Variants in NT5DC3 observed in about 807,000 individuals in gnomAD.
The protein encoded by NT5DC3 is 5'-nucleotidase domain containing 3.
Under a neutral mutation model 67.8 loss-of-function variants are expected in NT5DC3, and 42 were observed. The observed-to-expected ratio is 0.62, with a 90% CI of 0.48 to 0.80. The LOEUF (loss-of-function observed/expected upper bound fraction) is 0.80. Among genes scored for constraint, NT5DC3 ranks in the 30% least tolerant of loss-of-function variants. NT5DC3 has a pLI of 0.00. For missense variants in NT5DC3, 570 were observed against 696.4 expected, an observed-to-expected ratio of 0.82 and a Z score of 2.04; for synonymous variants, 237 against 255.6, an observed-to-expected ratio of 0.93 and a Z score of 0.69.
At chr12:103,815,431 TG>T (rs1566120817) in intron 1 of NT5DC3, among the ~76,000 whole-genome samples, 1 of 152,158 alleles carries the variant, frequency 6.6e-6, no homozygotes. Flanking sequence ...GTGATGGTTT[TG>T]GGGGATTGAG....
At chr12:103,783,344 C>T (rs1024173365) in intron 12 of NT5DC3, among the ~76,000 whole-genome samples, 1 of 152,190 alleles carries the variant, frequency 6.6e-6, no homozygotes, top group Non-Finnish European at 1.5e-5. Context: ...GGTTAAGGGT[C>T]TAGAGTCGGT....
At chr12:103,795,909 AT>A (rs1437275920) in intron 6 of NT5DC3, among the ~76,000 whole-genome samples, 2 of 152,176 alleles carry the variant, frequency 1.3e-5, no homozygotes, top group African/African-American at 4.8e-5. Context: ...AGCAAAATCA[AT>A]TTTTTTCCTT....
rs1215328080 is a variant in NT5DC3, at chr12:103,772,510, G to A, written c.*5319C>T. 1.3e-5 allele frequency: 2 copies of A among 152,284 alleles called. No individual in the cohort carries two copies. The highest frequency in any genetic ancestry group is 2.9e-5 in the Non-Finnish European group (2 of 68,064). The allele number at this position is 152,284 out of a possible 1,614,324, so 9.4% of individuals were successfully genotyped here. A position where few individuals can be genotyped will look rare whatever the true frequency, so the allele number is the denominator to read the frequency against. On this transcript the variant is annotated 3_prime_UTR_variant, in exon 14 of 14. Transcript: ENST00000392876. ...CCAAAGTCAGAGTTCAAACCTGCAGGACTGAAAACACACAGAAGCACTGTC... is the reference window on the plus strand; with the variant it reads ...CCAAAGTCAGAGTTCAAACCTGCAGAACTGAAAACACACAGAAGCACTGTC...
chr12:103,766,235 A>G (rs1180625727), downstream of NT5DC3: 1 of 1,611,680 alleles, frequency 6.2e-7, no homozygotes, highest in Non-Finnish European at 8.5e-7. Context: ...AGATTCAACT[A>G]GGACTCAACA....
At chr12:103,816,081 C>T (rs1887238615) in intron 1 of NT5DC3, among the ~76,000 whole-genome samples, 1 of 152,106 alleles carries the variant, frequency 6.6e-6, no homozygotes, top group Non-Finnish European at 1.5e-5. Flanking sequence ...CAATCATGAT[C>T]CTACACTTTT....
chr12:103,754,415 T>G, the NT5DC3 span, among the ~76,000 whole-genome samples: 1 of 152,142 alleles, frequency 6.6e-6, no homozygotes, highest in African/African-American at 2.4e-5. Context: ...TACTTCTCTT[T>G]GCCTCAATTT....
chr12:103,766,090 A>G, downstream of NT5DC3: 2 of 717,334 alleles, frequency 2.8e-6, no homozygotes, highest in South Asian at 1.5e-5. Context: ...CAAGCAGGAG[A>G]GACTAAAACA....
chr12:103,767,759 G>A (rs1885046399), downstream of NT5DC3, among the ~76,000 whole-genome samples: 1 of 151,772 alleles, frequency 6.6e-6, no homozygotes, highest in Non-Finnish European at 1.5e-5. Context: ...CCTTGGCCTG[G>A]GTATTAGCCA....
chr12:103,756,993 G>GGGA, the NT5DC3 span, among the ~76,000 whole-genome samples: 2 of 15,270 alleles, frequency 1.3e-4, no homozygotes, highest in African/African-American at 7.9e-4. Context: ...CAGAAGGAGG[G>GGGA]AAAATATATA....
rs757595831 is a variant in NT5DC3 at position 103,815,067 on chromosome 12, T to C, written c.263A>G (p.Asn88Ser). Residue 88 changes from asparagine to serine, a missense_variant, in exon 2 of 14, where the codon AAC becomes AGC. Asn to Ser is a conservative substitution (Grantham distance 46). Around this residue, in one of 2 missense-constraint regions of NT5DC3, gnomAD observed 466 missense variants for 608.0 expected, o/e 0.77. Transcript: ENST00000392876. The stretch of plus-strand genomic sequence containing the variant: ...AATGTCTGACAGGCTCATTTCATTG[T>C]TTGAGAAAATGGCATCTGGATTCAA... Reference protein sequence around the residue: ...NLLNPDAIFSNNEMSLSDIEI... With the variant: ...NLLNPDAIFSSNEMSLSDIEI... 3 of 1,613,482 alleles carry C rather than the reference T, an allele frequency of 1.9e-6. No homozygotes were observed. The highest frequency in any genetic ancestry group is 2.5e-6 in the Non-Finnish European group (3 of 1,179,772).
intron 9 of NT5DC3, among the ~76,000 whole-genome samples, chr12:103,790,694 CTTTTTTTTTTTTTT>C (rs67812943): frequency 1.3e-5 from 1 of 74,412 alleles, no homozygotes; most frequent in African/African-American, 5.4e-5. Context: ...CCAAGTACAT[CTTTTTTTTTTTTTT>C]TTTTTTTTTT....
At chr12:103,806,796 C>T (rs2139392105) in intron 3 of NT5DC3, 59 bp downstream of exon 3, 3 of 1,088,216 alleles carry the variant, frequency 2.8e-6, no homozygotes, top group Non-Finnish European at 4.2e-6. Flanking sequence ...AAAGTACCAA[C>T]AGTACATTTC....
At chr12:103,793,603 G>T in intron 7 of NT5DC3, 91 bp from the exon 8 acceptor site, 1 of 875,578 alleles carries the variant, frequency 1.1e-6, no homozygotes, top group Non-Finnish European at 1.8e-6. Context: ...GTCCAGCACT[G>T]TCCTAGGCAC....
At chr12:103,801,080 G>C (rs939070331) in intron 4 of NT5DC3, among the ~76,000 whole-genome samples, 1 of 152,010 alleles carries the variant, frequency 6.6e-6, no homozygotes, top group Non-Finnish European at 1.5e-5. Context: ...GCTGCAGTAC[G>C]GAACCCCCCT....
intron 1 of NT5DC3, among the ~76,000 whole-genome samples, chr12:103,817,865 A>C (rs57330759): frequency 0.011 from 1,745 of 152,234 alleles, 34 homozygotes; most frequent in African/African-American, 0.04. Context: ...CTTCTTTCTG[A>C]CTATGAATGG....
chr12:103,836,431 G>A (rs539347452), intron 1 of NT5DC3, among the ~76,000 whole-genome samples: 104 of 152,238 alleles, frequency 6.8e-4, no homozygotes, highest in African/African-American at 2.3e-3. Flanking sequence ...CCAAAACAAA[G>A]GGGTTACAGG....
In NT5DC3 at chr12:103,794,086, T is replaced by G. The variant is rs540609219; in HGVS notation, c.754-89A>C. ...GTGAAATGGCAGTCATGGTAACTTC[T>G]GTCCCTAGAAAGTCTGACAATCCAG... is the stretch of plus-strand genomic sequence containing the variant. On this transcript the variant is annotated intron_variant, in intron 6 of 13. Coordinates refer to ENST00000392876, the MANE Select transcript of NT5DC3 (RefSeq NM_001031701.3). 1.2e-5 allele frequency: 12 copies of G among 994,914 alleles called. No homozygotes were observed. In the South Asian group the frequency reaches 1.4e-4, roughly 12 times the overall value. 61.6% of individuals were successfully genotyped at this position (994,914 alleles called of 1,614,324 possible).
At chr12:103,822,126 A>G (rs1425614316) in intron 1 of NT5DC3, 3 of 152,242 alleles carry the variant, frequency 2.0e-5, no homozygotes, top group Non-Finnish European at 4.4e-5. Flanking sequence ...TTGAACATTA[A>G]AAACAAGAAT....
intron 1 of NT5DC3, among the ~76,000 whole-genome samples, chr12:103,835,345 G>A (rs186753556): frequency 6.6e-6 from 1 of 152,274 alleles, no homozygotes; most frequent in African/African-American, 2.4e-5. Flanking sequence ...GGGTAATAGG[G>A]ACCACATGCA....
Sources: allele counts gnomAD v4.1 joint callset (sites outside exome capture counted in the v4.1 genomes callset), GRCh38; gene constraint gnomAD v4.1.1; regional missense constraint gnomAD v4.1.1; transcripts MANE v1.5; gene names NCBI Gene and HGNC (gene_info 2026-07-23, HGNC 2026-07-21).